The following ZDHHC20 variants were observed in gnomAD, a reference collection of about 807,000 sequenced individuals.
ZDHHC20 encodes palmitoyltransferase ZDHHC20.
A neutral mutation model predicts 57.8 loss-of-function variants in ZDHHC20; 43 were observed. That is an observed-to-expected ratio of 0.74 (90% CI 0.58 to 0.96). ZDHHC20 has a LOEUF of 0.96. Among genes scored for constraint, ZDHHC20 ranks in the 40% least tolerant of loss-of-function variants. The pLI is 0.00. For synonymous variants in ZDHHC20, 157 were observed against 153.0 expected (o/e 1.03, Z -0.19); for missense variants, 391 against 441.1 (o/e 0.89, Z 1.02).
chr13:21,403,689 G>GT (rs1166149042), intron 4 of ZDHHC20, among the ~76,000 whole-genome samples: 8 of 151,962 alleles, frequency 5.3e-5, no homozygotes, highest in Admixed American at 1.3e-4. Context: ...TTTTTTGTTT[G>GT]TTTTTTTGTT....
intron 1 of ZDHHC20, among the ~76,000 whole-genome samples, chr13:21,458,143 C>T (rs1316065843): frequency 6.6e-6 from 1 of 152,186 alleles, no homozygotes; most frequent in African/African-American, 2.4e-5. Context: ...GTAGCAGTCA[C>T]CCCTAAACAG....
At chr13:21,415,133 C>T (rs900109600) in intron 3 of ZDHHC20, among the ~76,000 whole-genome samples, 2 of 152,096 alleles carry the variant, frequency 1.3e-5, no homozygotes, top group Non-Finnish European at 2.9e-5. Context: ...CTGCTATAAA[C>T]AAGGCAATAG....
intron 7 of ZDHHC20, among the ~76,000 whole-genome samples, chr13:21,399,794 T>G (rs1301092956): frequency 6.6e-6 from 1 of 152,088 alleles, no homozygotes; most frequent in Non-Finnish European, 1.5e-5. Context: ...TTTTTTCACG[T>G]TAATAAAAGA....
intron 1 of ZDHHC20, among the ~76,000 whole-genome samples, chr13:21,455,516 A>G (rs1884840986): frequency 6.6e-6 from 1 of 152,206 alleles, no homozygotes. Context: ...AAAATCAAGG[A>G]CCAATATTAC....
At chr13:21,382,415 G>C (rs1457154134) in intron 10 of ZDHHC20, among the ~76,000 whole-genome samples, 1 of 152,072 alleles carries the variant, frequency 6.6e-6, no homozygotes, top group Non-Finnish European at 1.5e-5. Flanking sequence ...CTATTACACT[G>C]AATGTATGAA....
chr13:21,397,908 G>C (rs138397786), intron 7 of ZDHHC20, among the ~76,000 whole-genome samples: 1 of 152,090 alleles, frequency 6.6e-6, no homozygotes, highest in Non-Finnish European at 1.5e-5. Flanking sequence ...GAGATGGAGG[G>C]TCTAAACCAT....
intron 9 of ZDHHC20, among the ~76,000 whole-genome samples, chr13:21,385,917 C>T (rs1198519448): frequency 6.6e-6 from 1 of 152,048 alleles, no homozygotes; most frequent in African/African-American, 2.4e-5. Context: ...GCTGACTTTT[C>T]ATTAGAAACA....
intron 1 of ZDHHC20, among the ~76,000 whole-genome samples, chr13:21,447,843 C>G (rs1379937992): frequency 5.6e-5 from 6 of 107,280 alleles, no homozygotes; most frequent in Admixed American, 5.3e-4. Context: ...TGAGGAGCGC[C>G]TCTTCCCAGC....
chr13:21,378,608 GAA>G, intron 12 of ZDHHC20, 51 bp downstream of exon 12: 1 of 1,052,394 alleles, frequency 9.5e-7, no homozygotes. Context: ...TAAAGATTAT[GAA>G]ATATGCAAAT....
At chr13:21,425,729 G>T in intron 1 of ZDHHC20, 51 bp from the exon 2 acceptor site, 1 of 993,652 alleles carries the variant, frequency 1.0e-6, no homozygotes, top group Non-Finnish European at 1.3e-6. Flanking sequence ...CATTTTGTAT[G>T]TAAGTTTTAT....
At chr13:21,415,202 A>T (rs1401299413) in intron 3 of ZDHHC20, among the ~76,000 whole-genome samples, 1 of 152,212 alleles carries the variant, frequency 6.6e-6, no homozygotes, top group Non-Finnish European at 1.5e-5. Flanking sequence ...AGACTTAGGC[A>T]ATTTTCTAAG....
At chr13:21,391,633 T>C (rs1406343687) in intron 8 of ZDHHC20, 89 bp downstream of exon 8, 4 of 1,373,386 alleles carry the variant, frequency 2.9e-6, no homozygotes, top group Non-Finnish European at 4.0e-6. Context: ...CTTACACTTC[T>C]GTATCATCTG....
At chr13:21,448,026 T>G (rs1302877858) in intron 1 of ZDHHC20, among the ~76,000 whole-genome samples, 1 of 105,090 alleles carries the variant, frequency 9.5e-6, no homozygotes, top group African/African-American at 3.5e-5. Flanking sequence ...GTCTGAGAAG[T>G]GAGGAGACCC....
Position 21,459,199 on chromosome 13 carries a change from G to C in ZDHHC20, c.-28C>G. The C allele has an allele frequency of 6.3e-7, 1 of 1,575,078 alleles. No individual in the cohort carries two copies. Among genetic ancestry groups the C allele is most frequent in the Non-Finnish European group, 8.6e-7 (1 of 1,160,166 alleles). The stretch of plus-strand genomic sequence containing the variant: ...TCCGCTGGCGGCTGCCGAGCCCCGC[G>C]TCCCACCGTTCTGGGGAGCGCGGGA... On this transcript the variant is annotated 5_prime_UTR_variant, in exon 1 of 13. Coordinates refer to ENST00000400590, the MANE Select transcript of ZDHHC20 (RefSeq NM_001330059.2).
intron 9 of ZDHHC20, among the ~76,000 whole-genome samples, chr13:21,386,668 C>G (rs1874555213): frequency 6.6e-6 from 1 of 152,186 alleles, no homozygotes; most frequent in African/African-American, 2.4e-5. Context: ...TGTGCCTCAG[C>G]CTCCCGAGTA....
chr13:21,399,593 T>G (rs1214187028), intron 7 of ZDHHC20, among the ~76,000 whole-genome samples: 1 of 152,192 alleles, frequency 6.6e-6, no homozygotes, highest in African/African-American at 2.4e-5. Flanking sequence ...AATATATTAC[T>G]ATTTGTCCAT....
intron 3 of ZDHHC20, among the ~76,000 whole-genome samples, chr13:21,413,977 C>T (rs993040211): frequency 7.9e-5 from 12 of 152,118 alleles, no homozygotes; most frequent in Admixed American, 6.6e-4. Flanking sequence ...CCCTCCACAC[C>T]AGATGGCAAA....
At chr13:21,427,662 C>T (rs11842817) in intron 1 of ZDHHC20, among the ~76,000 whole-genome samples, 5,713 of 151,830 alleles carry the variant, frequency 0.038, 339 homozygotes, top group African/African-American at 0.13. Flanking sequence ...GGTGAAACCC[C>T]GTCTGCACTA....
rs996544200 is a variant in ZDHHC20 at position 21,440,541 on chromosome 13, G to C, written c.119-14863C>G. On this transcript the variant is annotated intron_variant, in intron 1 of 12. Transcript: ENST00000400590. ...CACAAGAATCACTTCAATCCGGGAG[G>C]CTGAGGTTGCAGTGAGCCGAGATCA... Among the ~76,000 whole-genome samples, 22 of 152,108 alleles carry C rather than the reference G, an allele frequency of 1.4e-4. 1 individual carries two copies. Among genetic ancestry groups the C allele is most frequent in the African/African-American group, 5.1e-4 (21 of 41,416 alleles).
Sources: allele counts gnomAD v4.1 joint callset (sites outside exome capture counted in the v4.1 genomes callset), GRCh38; gene constraint gnomAD v4.1.1; transcripts MANE v1.5; gene names NCBI Gene and HGNC (gene_info 2026-07-23, HGNC 2026-07-21).